The following TMPRSS3 variants were observed in gnomAD, a reference collection of about 807,000 sequenced individuals.
The protein encoded by TMPRSS3 is transmembrane protease serine 3.
Under a neutral mutation model 59.6 loss-of-function variants are expected in TMPRSS3, and 55 were observed. The observed-to-expected ratio is 0.92, with a 90% CI of 0.74 to 1.16. TMPRSS3 has a LOEUF of 1.16. TMPRSS3 is among the 50% of genes most tolerant of loss of function. TMPRSS3 has a pLI of 0.00. For synonymous variants in TMPRSS3, 257 were observed against 237.7 expected (o/e 1.08, Z -0.75); for missense variants, 596 against 579.4 (o/e 1.03, Z -0.29).
chr21:42,382,768 C>T, intron 8 of TMPRSS3: 1 of 547,264 alleles, frequency 1.8e-6, no homozygotes, highest in Non-Finnish European at 3.3e-6. Context: ...TTGTGGGTTT[C>T]CTCCAGCACA....
chr21:42,379,972 T>TG, intron 10 of TMPRSS3, 145 bp downstream of exon 10: 1 of 706,034 alleles, frequency 1.4e-6, no homozygotes, highest in Non-Finnish European at 2.5e-6. Flanking sequence ...TGGCTGACTG[T>TG]GTCCCGAGCA....
chr21:42,388,534 A>C lies in TMPRSS3; in HGVS notation c.323-8T>G. On this transcript the variant is annotated splice_region_variant and splice_polypyrimidine_tract_variant and intron_variant, in intron 4 of 12. Coordinates refer to ENST00000644384, the MANE Select transcript of TMPRSS3 (RefSeq NM_001256317.3). This position sits in a 1 kb window ranked among gnomAD's most constrained non-coding sequence, Gnocchi z 5.1. ...TCTGACCACCCACCCGGACTGGCCG[A>C]TGTGCAGAAAGAAAGGCTTATTAGT... The C allele has an allele frequency of 2.5e-6, 4 of 1,614,180 alleles. No homozygotes were observed. Among genetic ancestry groups the C allele is most frequent in the Non-Finnish European group, 3.4e-6 (4 of 1,180,040 alleles).
At chr21:42,383,448 C>A (rs959086833) in intron 7 of TMPRSS3, 7 of 586,632 alleles carry the variant, frequency 1.2e-5, no homozygotes, top group African/African-American at 3.7e-5. Context: ...TTGGTCAGTG[C>A]CCAGCATTGG....
chr21:42,393,223 C>T (rs1395370873), intron 2 of TMPRSS3, among the ~76,000 whole-genome samples: 2 of 150,414 alleles, frequency 1.3e-5, no homozygotes, highest in Non-Finnish European at 1.5e-5. Flanking sequence ...CCAGCCTGGG[C>T]GACAGAGCGA....
At chr21:42,377,596 C>T (rs1449518212) in intron 10 of TMPRSS3, among the ~76,000 whole-genome samples, 7 of 152,208 alleles carry the variant, frequency 4.6e-5, no homozygotes, top group South Asian at 4.1e-4. Flanking sequence ...ACTTAATCCA[C>T]GTGCAGTGGG....
rs2052693770 is a variant in TMPRSS3, at chr21:42,389,265, G to C, written c.206-220C>G. On this transcript the variant is annotated intron_variant, in intron 3 of 12. Transcript: ENST00000644384. ...CCACTTTATCTCGCTATGTGGCCTG[G>C]CCCAGGAACCACAGTGCAAGGTGAA... is the stretch of plus-strand genomic sequence containing the variant. The C allele has an allele frequency of 1.1e-5, 9 of 853,604 alleles. No individual in the cohort carries two copies. The East Asian group carries it at 2.2e-4, about 21-fold the overall frequency. 52.9% of individuals were successfully genotyped at this position (853,604 alleles called of 1,614,324 possible). A position where few individuals can be genotyped will look rare whatever the true frequency, so the allele number is the denominator to read the frequency against.
At position 42,373,837 on chromosome 21, in the gene TMPRSS3, T is replaced by C. The variant is rs185207661; in HGVS notation, c.1345-1058A>G. ...CTGAGGTGGCCCCGTCATGGAACCG[T>C]TGTGAGCGGGCTCCCCAGACTGATT... is the stretch of plus-strand genomic sequence containing the variant. On this transcript the variant is annotated intron_variant, in intron 12 of 12. Transcript: ENST00000644384. Among the ~76,000 whole-genome samples, 372 of 152,286 alleles carry C rather than the reference T, an allele frequency of 2.4e-3. 2 individuals are homozygous for C. The highest frequency in any genetic ancestry group is 8.4e-3 in the African/African-American group (348 of 41,560).
Position 42,388,751 on chromosome 21 carries a change from T to C in TMPRSS3, c.322+178A>G, listed in dbSNP as rs1355036591. Among the ~76,000 whole-genome samples the C allele has an allele frequency of 3.3e-5, 5 of 151,742 alleles. No homozygotes were observed. The highest frequency in any genetic ancestry group is 1.2e-4 in the African/African-American group (5 of 41,384). ...TCTCCCCAAGAGAGCCAGAGCTCCA[T>C]GGAAGGCCCTCCCTGACCCCCCAGC... On this transcript the variant is annotated intron_variant, in intron 4 of 12. Transcript: ENST00000644384. This position sits in a 1 kb window ranked among gnomAD's most constrained non-coding sequence, Gnocchi z 5.1.
chr21:42,392,753 G>T (rs1359128610), intron 2 of TMPRSS3, among the ~76,000 whole-genome samples: 2 of 152,188 alleles, frequency 1.3e-5, no homozygotes, highest in African/African-American at 2.4e-5. Context: ...TTAGAAATCT[G>T]CAGGAACCCC....
At chr21:42,391,379 T>C (rs754280852) in intron 2 of TMPRSS3, among the ~76,000 whole-genome samples, 1 of 152,160 alleles carries the variant, frequency 6.6e-6, no homozygotes, top group South Asian at 2.1e-4. Context: ...TTCTCCACAA[T>C]TGCTGTGCAC....
intron 10 of TMPRSS3, among the ~76,000 whole-genome samples, chr21:42,378,688 G>C (rs111492456): frequency 6.6e-6 from 1 of 152,098 alleles, no homozygotes; most frequent in African/African-American, 2.4e-5. Flanking sequence ...CCTCAACTGC[G>C]TGTGGAAATA....
chr21:42,390,269 A>C, intron 2 of TMPRSS3: 1 of 535,902 alleles, frequency 1.9e-6, no homozygotes, highest in South Asian at 2.0e-5. Context: ...GGGATGTGCT[A>C]TGGGTTGAAT....
chr21:42,393,783 G>A (rs1230312447), intron 2 of TMPRSS3, among the ~76,000 whole-genome samples: 1 of 152,196 alleles, frequency 6.6e-6, no homozygotes, highest in Admixed American at 6.5e-5. Context: ...CAGACAGTAT[G>A]TGAACAAATG....
intron 10 of TMPRSS3, among the ~76,000 whole-genome samples, chr21:42,379,141 C>T (rs1262868643): frequency 6.6e-6 from 1 of 151,968 alleles, no homozygotes; most frequent in Non-Finnish European, 1.5e-5. Context: ...TTGCCTCGGC[C>T]TCCCAAAGTG....
At chr21:42,375,093 G>A (rs976522657) in intron 12 of TMPRSS3, among the ~76,000 whole-genome samples, 1 of 152,024 alleles carries the variant, frequency 6.6e-6, no homozygotes, top group Non-Finnish European at 1.5e-5. Flanking sequence ...GGGTCCCAGC[G>A]AAGCCCTAAG....
rs1429904074 is a variant in TMPRSS3 at position 42,371,903 on chromosome 21, CATATTATTTGGAATCAAAGGACAAT to C, written c.*834_*858del. The C allele has an allele frequency of 2.2e-6, 1 of 453,470 alleles. No homozygotes were observed. The highest frequency in any genetic ancestry group is 4.4e-6 in the Non-Finnish European group (1 of 225,758). 28.1% of individuals were successfully genotyped at this position (453,470 alleles called of 1,614,324 possible). On this transcript the variant is annotated 3_prime_UTR_variant, in exon 13 of 13. Coordinates refer to ENST00000644384, the MANE Select transcript of TMPRSS3 (RefSeq NM_001256317.3). ...CACGCCAGACAATGAGGGAAGGAAA[CATATTATTTGGAATCAAAGGACAAT>C]AATACGTCAAGCACCAAATGCTACA...
chr21:42,386,822 T>C (rs1421302015), intron 5 of TMPRSS3, among the ~76,000 whole-genome samples: 2 of 152,112 alleles, frequency 1.3e-5, no homozygotes, highest in Non-Finnish European at 2.9e-5. Flanking sequence ...ATCACAGATC[T>C]CTGACATAGG....
At chr21:42,379,519 A>C (rs902144393) in intron 10 of TMPRSS3, among the ~76,000 whole-genome samples, 9 of 152,180 alleles carry the variant, frequency 5.9e-5, no homozygotes, top group Non-Finnish European at 5.9e-5. Flanking sequence ...CAGCCACGGA[A>C]AATGAATCCT....
At chr21:42,378,340 A>G (rs531385344) in intron 10 of TMPRSS3, among the ~76,000 whole-genome samples, 1 of 152,358 alleles carries the variant, frequency 6.6e-6, no homozygotes, top group East Asian at 1.9e-4. Context: ...TTCCTGTGTT[A>G]GGTTGAACTG....
Sources: allele counts gnomAD v4.1 joint callset (sites outside exome capture counted in the v4.1 genomes callset), GRCh38; gene constraint gnomAD v4.1.1; non-coding constraint Gnocchi (gnomAD v3.1); transcripts MANE v1.5; gene names NCBI Gene and HGNC (gene_info 2026-07-23, HGNC 2026-07-21).